The following IL1RAP variants were observed in gnomAD, a reference collection of about 807,000 sequenced individuals.
The protein encoded by IL1RAP is interleukin 1 receptor accessory protein, also known as interleukin-1 receptor accessory protein.
IL1RAP carries 35 observed loss-of-function variants against 60.7 expected under a neutral mutation model. The observed-to-expected ratio is 0.58, with a 90% CI of 0.44 to 0.76. The LOEUF (loss-of-function observed/expected upper bound fraction) is 0.76. Among genes scored for constraint, IL1RAP ranks in the 30% least tolerant of loss-of-function variants. The pLI, the probability that IL1RAP is intolerant of heterozygous loss-of-function variation, is 0.00. For synonymous variants in IL1RAP, 268 were observed against 250.9 expected, an observed-to-expected ratio of 1.07 and a Z score of -0.64; for missense variants, 572 against 693.9, an observed-to-expected ratio of 0.82 and a Z score of 1.97.
chr3:190,529,502 T>C (rs1435225998), intron 1 of IL1RAP, among the ~76,000 whole-genome samples: 1 of 151,126 alleles, frequency 6.6e-6, no homozygotes, highest in Non-Finnish European at 1.5e-5. Context: ...CTGGCCAACA[T>C]GGTGAAACCC....
intron 3 of IL1RAP, among the ~76,000 whole-genome samples, chr3:190,590,912 T>C (rs578255244): frequency 1.3e-5 from 2 of 152,314 alleles, no homozygotes; most frequent in South Asian, 4.1e-4. Flanking sequence ...AGAATTTGGA[T>C]TGGAGAGGAA....
exon 12 of IL1RAP, chr3:190,656,611 C>A: frequency 6.8e-7 from 1 of 1,480,794 alleles, no homozygotes; most frequent in Non-Finnish European, 9.0e-7. Flanking sequence ...CCTATAATTA[C>A]TGTGTGTGGT....
At chr3:190,656,280 G>C (rs746232734), downstream of IL1RAP, 5 of 1,537,102 alleles carry the variant, frequency 3.3e-6, no homozygotes, top group African/African-American at 6.8e-5. Flanking sequence ...GTTTGAAAGA[G>C]CCCCCAGAAC....
chr3:190,550,930 ATTAT>A (rs796877636), intron 1 of IL1RAP, among the ~76,000 whole-genome samples: 26 of 152,328 alleles, frequency 1.7e-4, no homozygotes, highest in African/African-American at 6.3e-4. Context: ...ATTTGGCCTG[ATTAT>A]TTGCATAAAG....
intron 1 of IL1RAP, among the ~76,000 whole-genome samples, chr3:190,522,289 G>GCTTGCTTGCTTCCTTCCTTC (rs1481738684): frequency 7.4e-6 from 1 of 135,364 alleles, no homozygotes; most frequent in Non-Finnish European, 1.6e-5. Context: ...GCCTTCCTTT[G>GCTTGCTTGCTTCCTTCCTTC]CTTCCTTCCT....
chr3:190,568,370 C>T (rs529844124), intron 3 of IL1RAP, among the ~76,000 whole-genome samples: 8 of 152,228 alleles, frequency 5.3e-5, no homozygotes, highest in African/African-American at 1.9e-4. Flanking sequence ...TGCCTTGACT[C>T]CAGAAACAGT....
intron 5 of IL1RAP, among the ~76,000 whole-genome samples, chr3:190,618,000 A>T (rs1174021198): frequency 6.6e-6 from 1 of 152,214 alleles, no homozygotes; most frequent in African/African-American, 2.4e-5. Context: ...TTCAGTAAAA[A>T]TAATTGACTT....
chr3:190,627,490 C>G, intron 8 of IL1RAP, 41 bp downstream of exon 8: 1 of 1,587,362 alleles, frequency 6.3e-7, no homozygotes, highest in Middle Eastern at 1.7e-4. Flanking sequence ...ACCTTTGTTT[C>G]TCAACTTAAT....
At chr3:190,532,261 C>CTTTTT (rs370264409) in intron 1 of IL1RAP, among the ~76,000 whole-genome samples, 1 of 128,282 alleles carries the variant, frequency 7.8e-6, no homozygotes, top group African/African-American at 3.0e-5. Context: ...AATCATCTTT[C>CTTTTT]TTTTTTTTTT....
At chr3:190,589,192 T>C (rs188527254) in intron 3 of IL1RAP, among the ~76,000 whole-genome samples, 1 of 152,298 alleles carries the variant, frequency 6.6e-6, no homozygotes, top group East Asian at 1.9e-4. Context: ...TATCTTAGCA[T>C]TTACTCTTCC....
chr3:190,539,807 G>A (rs1723773422), intron 1 of IL1RAP, among the ~76,000 whole-genome samples: 1 of 151,702 alleles, frequency 6.6e-6, no homozygotes, highest in South Asian at 2.1e-4. Flanking sequence ...AACAACCCTA[G>A]TAGGGACTTG....
intron 1 of IL1RAP, among the ~76,000 whole-genome samples, chr3:190,531,930 T>C (rs1026768203): frequency 6.6e-6 from 1 of 152,164 alleles, no homozygotes; most frequent in Admixed American, 6.5e-5. Flanking sequence ...ATGGAATACG[T>C]GTAATCGTTC....
intron 1 of IL1RAP, among the ~76,000 whole-genome samples, chr3:190,528,473 C>T (rs1577508862): frequency 6.6e-6 from 1 of 152,100 alleles, no homozygotes; most frequent in African/African-American, 2.4e-5. Flanking sequence ...TAAGGTGATA[C>T]CACACATAGT....
At chr3:190,658,571 C>T (rs1217120325) in exon 12 of IL1RAP, 1 of 152,190 alleles carries the variant, frequency 6.6e-6, no homozygotes, top group Non-Finnish European at 1.5e-5. Context: ...TACTCCTGAA[C>T]ATGAGCAGAA....
chr3:190,539,696 TTAAAAA>T (rs1025308409), intron 1 of IL1RAP, among the ~76,000 whole-genome samples: 3 of 150,680 alleles, frequency 2.0e-5, no homozygotes, highest in Admixed American at 6.6e-5. Context: ...TAAGGATAAA[TTAAAAA>T]TAAAAATAAA....
At chr3:190,654,391 G>A (rs1032088237), downstream of IL1RAP, among the ~76,000 whole-genome samples, 4 of 152,266 alleles carry the variant, frequency 2.6e-5, no homozygotes, top group Middle Eastern at 3.4e-3. Context: ...GGGGACTGAG[G>A]AGTTGCTAAA....
At chr3:190,517,513 G>A (rs9826509) in intron 1 of IL1RAP, among the ~76,000 whole-genome samples, 3,274 of 152,292 alleles carry the variant, frequency 0.021, 100 homozygotes, top group African/African-American at 0.073. Flanking sequence ...ACTCCTCCTT[G>A]TGGAAAGTGA....
At position 190,651,003 on chromosome 3, in the gene IL1RAP, C is replaced by T; in HGVS notation, c.*2298C>T. On this transcript the variant is annotated 3_prime_UTR_variant, in exon 12 of 12. Transcript: ENST00000447382. Reference sequence around the variant, plus strand: ...TGCCTGCCTTTGGTACTTAATTTTACAAATGCTGTAATATAAAGCATATCA... The same window carrying T: ...TGCCTGCCTTTGGTACTTAATTTTATAAATGCTGTAATATAAAGCATATCA... 1.0e-6 allele frequency: 1 copy of T among 985,000 alleles called. No homozygotes were observed. The highest frequency in any genetic ancestry group is 1.2e-6 in the Non-Finnish European group (1 of 829,660). The allele number at this position is 985,000 out of a possible 1,614,324, so 61.0% of individuals were successfully genotyped here.
At chr3:190,532,364 G>A (rs1031658956) in intron 1 of IL1RAP, among the ~76,000 whole-genome samples, 1 of 149,730 alleles carries the variant, frequency 6.7e-6, no homozygotes, top group East Asian at 2.0e-4. Flanking sequence ...CTGGGTTCAC[G>A]CCATTCTCCT....
Sources: allele counts gnomAD v4.1 joint callset (sites outside exome capture counted in the v4.1 genomes callset), GRCh38; gene constraint gnomAD v4.1.1; transcripts MANE v1.5; gene names NCBI Gene and HGNC (gene_info 2026-07-23, HGNC 2026-07-21).